ZNF804B: variants seen among roughly 807,000 people sequenced by gnomAD.
The protein encoded by ZNF804B is zinc finger protein 804B.
Under a neutral mutation model 101.4 loss-of-function variants are expected in ZNF804B, and 80 were observed. The ratio of observed to expected loss-of-function variants is 0.79; its 90% confidence interval spans 0.66 to 0.95. The LOEUF (loss-of-function observed/expected upper bound fraction) is 0.95, where lower values mean the gene tolerates loss of function less well. ZNF804B is among the 40% of genes least tolerant of loss of function. The pLI is 0.00. For synonymous variants in ZNF804B, 622 were observed against 558.8 expected (o/e 1.11, Z -1.59); for missense variants, 1,673 against 1,561.9 (o/e 1.07, Z -1.20).
chr7:88,962,812 C>T (rs1221581720), intron 1 of ZNF804B, among the ~76,000 whole-genome samples: 1 of 146,224 alleles, frequency 6.8e-6, no homozygotes, highest in South Asian at 2.1e-4. Flanking sequence ...GAAAGCATTT[C>T]ATTCAAACAT....
chr7:89,298,143 CATATATATAGT>C (rs1790412565), intron 2 of ZNF804B, among the ~76,000 whole-genome samples: 1 of 67,874 alleles, frequency 1.5e-5, no homozygotes, highest in African/African-American at 5.7e-5. Flanking sequence ...ATATATATAT[CATATATATAGT>C]ATATATATAT....
chr7:89,228,096 C>T (rs1789122921), intron 2 of ZNF804B, among the ~76,000 whole-genome samples: 1 of 151,932 alleles, frequency 6.6e-6, no homozygotes, highest in Admixed American at 6.6e-5. Context: ...TAAGGTGGCA[C>T]GTCTGGAGTT....
At chr7:89,215,917 A>AAATAAATAAATG (rs1554379504) in intron 1 of ZNF804B, among the ~76,000 whole-genome samples, 1 of 150,900 alleles carries the variant, frequency 6.6e-6, no homozygotes, top group Non-Finnish European at 1.5e-5. Flanking sequence ...ATAAATAAAT[A>AAATAAATAAATG]AATAAATAAA....
chr7:89,147,597 G>T (rs1170945142), intron 1 of ZNF804B, among the ~76,000 whole-genome samples: 1 of 151,976 alleles, frequency 6.6e-6, no homozygotes, highest in Non-Finnish European at 1.5e-5. Flanking sequence ...CCAGTCTGTT[G>T]CCTGTTAGGA....
At chr7:88,783,244 T>C (rs1790255891) in intron 1 of ZNF804B, among the ~76,000 whole-genome samples, 1 of 152,166 alleles carries the variant, frequency 6.6e-6, no homozygotes, top group South Asian at 2.1e-4. Flanking sequence ...GTTTGTGCTT[T>C]GTGAGATTGT....
chr7:89,327,244 C>G (rs1299976460), intron 2 of ZNF804B, 100 bp from the exon 3 acceptor site: 5 of 1,141,402 alleles, frequency 4.4e-6, no homozygotes, highest in Non-Finnish European at 4.7e-6. Flanking sequence ...CCCAGAAAGT[C>G]ACCTCTGCAC....
At chr7:88,858,651 G>T (rs903362757) in intron 1 of ZNF804B, among the ~76,000 whole-genome samples, 3 of 151,946 alleles carry the variant, frequency 2.0e-5, no homozygotes, top group Non-Finnish European at 4.4e-5. Flanking sequence ...GTACAGACAT[G>T]ATTAAAAAAT....
At chr7:88,821,701 T>C (rs1211373396) in intron 1 of ZNF804B, among the ~76,000 whole-genome samples, 1 of 152,192 alleles carries the variant, frequency 6.6e-6, no homozygotes, top group East Asian at 1.9e-4. Flanking sequence ...ATACCATTTC[T>C]AACTAATTAT....
rs574619091 is a variant in ZNF804B, at chr7:89,253,831, T to A, written c.249+35536T>A. 5.3e-5 allele frequency among the ~76,000 whole-genome samples: 8 copies of A among 152,256 alleles called. No homozygotes were observed. The South Asian group carries it at 1.7e-3, about 32-fold the overall frequency. On this transcript the variant is annotated intron_variant, in intron 2 of 3. Coordinates refer to ENST00000333190, the MANE Select transcript of ZNF804B (RefSeq NM_181646.5). ...AAAAAATAAAAATATATAGGTATAATCTAAGCTGAATTTCTCCAAAGAATG... is the reference window on the plus strand; with the variant it reads ...AAAAAATAAAAATATATAGGTATAAACTAAGCTGAATTTCTCCAAAGAATG...
At chr7:88,813,619 T>C (rs1790827099) in intron 1 of ZNF804B, among the ~76,000 whole-genome samples, 1 of 152,102 alleles carries the variant, frequency 6.6e-6, no homozygotes, top group Non-Finnish European at 1.5e-5. Flanking sequence ...TATTATTCTG[T>C]TGAAATTCAA....
intron 1 of ZNF804B, among the ~76,000 whole-genome samples, chr7:89,149,444 A>G (rs1790837994): frequency 6.6e-6 from 1 of 152,104 alleles, no homozygotes; most frequent in African/African-American, 2.4e-5. Context: ...TATAGTGTAT[A>G]TAAAATTGGT....
intron 1 of ZNF804B, among the ~76,000 whole-genome samples, chr7:89,080,028 T>G (rs182599707): frequency 9.9e-4 from 151 of 152,068 alleles, no homozygotes; most frequent in Admixed American, 4.1e-3. Context: ...TTTTTATTTT[T>G]TTTTTAGAAT....
chr7:88,914,303 T>A (rs1584013690), intron 1 of ZNF804B, among the ~76,000 whole-genome samples: 1 of 152,188 alleles, frequency 6.6e-6, no homozygotes, highest in Non-Finnish European at 1.5e-5. Context: ...AGGACTTTTT[T>A]AAGTTGCCGA....
In ZNF804B at chr7:89,223,074, C is replaced by G. The variant is rs111460629; in HGVS notation, c.249+4779C>G. On this transcript the variant is annotated intron_variant, in intron 2 of 3. Coordinates refer to ENST00000333190, the MANE Select transcript of ZNF804B (RefSeq NM_181646.5). ...AAATCTGTCCATTTGGTTCTTTCTT[C>G]TTTAAGAGCTCTTCTTGATTATGAT... Among the ~76,000 whole-genome samples, 372 of 151,878 alleles carry G rather than the reference C, an allele frequency of 2.4e-3. 3 individuals are homozygous for G. The highest frequency in any genetic ancestry group is 8.7e-3 in the African/African-American group (360 of 41,496).
At chr7:88,895,810 A>C (rs149114911) in intron 1 of ZNF804B, among the ~76,000 whole-genome samples, 127 of 152,334 alleles carry the variant, frequency 8.3e-4, no homozygotes, top group African/African-American at 2.7e-3. Flanking sequence ...ACTGTATTGG[A>C]TTATAACCAA....
intron 1 of ZNF804B, among the ~76,000 whole-genome samples, chr7:89,011,409 C>T (rs146595241): frequency 0.012 from 1,767 of 152,124 alleles, 16 homozygotes; most frequent in Non-Finnish European, 0.02. Context: ...AAACAGTACC[C>T]GAAAGTCTTA....
intron 1 of ZNF804B, among the ~76,000 whole-genome samples, chr7:89,159,563 C>A (rs1447146507): frequency 6.6e-6 from 1 of 152,082 alleles, no homozygotes; most frequent in Non-Finnish European, 1.5e-5. Flanking sequence ...ACAGAGTGGG[C>A]ATGTATCATA....
chr7:89,256,612 A>G (rs1228295721), intron 2 of ZNF804B, among the ~76,000 whole-genome samples: 1 of 152,198 alleles, frequency 6.6e-6, no homozygotes, highest in Admixed American at 6.5e-5. Flanking sequence ...TTCTATCACT[A>G]TCACATCCAA....
chr7:88,967,716 CA>C (rs3034332), intron 1 of ZNF804B, among the ~76,000 whole-genome samples: 3,508 of 125,304 alleles, frequency 0.028, 61 homozygotes, highest in African/African-American at 0.052. Flanking sequence ...ATTGAAAAAG[CA>C]AAAAAAAAAA....
Sources: gnomAD v4.1 joint callset for allele counts (sites outside exome capture counted in the v4.1 genomes callset) on GRCh38, gnomAD v4.1.1 for gene constraint, MANE v1.5 for transcripts, NCBI Gene and HGNC (gene_info 2026-07-23, HGNC 2026-07-21) for gene names.